Variants in SH3BP5 observed in about 807,000 individuals in gnomAD.
SH3BP5 encodes SH3 domain-binding protein 5.
SH3BP5 carries 22 observed loss-of-function variants against 43.3 expected under a neutral mutation model. The observed-to-expected ratio is 0.51, with a 90% CI of 0.36 to 0.73. The LOEUF is 0.73. Among genes scored for constraint, SH3BP5 ranks in the 30% least tolerant of loss-of-function variants. SH3BP5 has a pLI of 0.00. For missense variants in SH3BP5, 529 were observed against 586.9 expected, an observed-to-expected ratio of 0.90 and a Z score of 1.02; for synonymous variants, 255 against 225.8, an observed-to-expected ratio of 1.13 and a Z score of -1.16.
At chr3:15,303,742 A>C (rs536517585) in intron 3 of SH3BP5, among the ~76,000 whole-genome samples, 1 of 152,250 alleles carries the variant, frequency 6.6e-6, no homozygotes, top group South Asian at 2.1e-4. Flanking sequence ...AGAGAAGCAG[A>C]AGGCTAAACA....
At chr3:15,294,851 A>G (rs1005483876) in intron 3 of SH3BP5, among the ~76,000 whole-genome samples, 1 of 152,060 alleles carries the variant, frequency 6.6e-6, no homozygotes, top group African/African-American at 2.4e-5. Flanking sequence ...GGCGTAAGGC[A>G]CCCTCAGCTG....
chr3:15,276,611 C>G (rs533861882), intron 3 of SH3BP5, among the ~76,000 whole-genome samples: 2 of 152,254 alleles, frequency 1.3e-5, no homozygotes, highest in African/African-American at 4.8e-5. Flanking sequence ...TGAAGCCTTA[C>G]GCGGGTCCAG....
At position 15,304,110 on chromosome 3, in the gene SH3BP5, G is replaced by A. The variant is rs1328191407; in HGVS notation, c.323C>T (p.Ala108Val). 8 of 1,613,750 alleles carry A rather than the reference G, an allele frequency of 5.0e-6. No homozygotes were observed. The highest frequency in any genetic ancestry group is 2.2e-5 in the South Asian group (2 of 91,074). The change falls in exon 3 of 9, where the codon GCG (alanine) becomes GTG (valine). Residue 108 changes from alanine to valine, a missense_variant. By Grantham distance (64) the Ala-to-Val change is moderately conservative (BLOSUM62 0). Coordinates refer to ENST00000383791, the MANE Select transcript of SH3BP5 (RefSeq NM_004844.5). ...TCTATGGGGCTATCTTACCTGCCTC[G>A]CCACCCTCCGTGCCTCCCAGTAGGG... ...SKPYWEARRV[A>V]RQAQLEAQKA...
chr3:15,279,438 G>A (rs576176930), intron 3 of SH3BP5, among the ~76,000 whole-genome samples: 2 of 152,128 alleles, frequency 1.3e-5, no homozygotes, highest in Non-Finnish European at 2.9e-5. Context: ...TTAATATGTC[G>A]GAGCAGCAAG....
chr3:15,288,783 C>T (rs1291553013), intron 3 of SH3BP5, among the ~76,000 whole-genome samples: 2 of 152,102 alleles, frequency 1.3e-5, no homozygotes, highest in African/African-American at 4.8e-5. Context: ...TTTCAATGCT[C>T]TGGGTAAGAC....
intron 3 of SH3BP5, among the ~76,000 whole-genome samples, chr3:15,285,057 T>A (rs184754591): frequency 6.6e-6 from 1 of 152,302 alleles, no homozygotes; most frequent in Admixed American, 6.5e-5. Flanking sequence ...TGGAAAGTCT[T>A]ATGAGAGCCA....
At chr3:15,334,929 G>A (rs115312198), upstream of SH3BP5, among the ~76,000 whole-genome samples, 923 of 151,368 alleles carry the variant, frequency 6.1e-3, 9 homozygotes, top group African/African-American at 0.021. Flanking sequence ...CCCAGCTTAG[G>A]TGACAGCAAG....
chr3:15,320,425 C>T (rs1224941622), intron 2 of SH3BP5, among the ~76,000 whole-genome samples: 1 of 152,052 alleles, frequency 6.6e-6, no homozygotes, highest in Non-Finnish European at 1.5e-5. Flanking sequence ...AGCTGCTTTG[C>T]AAATTCTGTG....
At chr3:15,269,388 T>C (rs947393136) in intron 4 of SH3BP5, among the ~76,000 whole-genome samples, 1 of 152,120 alleles carries the variant, frequency 6.6e-6, no homozygotes, top group Non-Finnish European at 1.5e-5. Context: ...TTGCTGGGGT[T>C]CCATGGGAGC....
At chr3:15,309,408 G>A (rs1003524945) in intron 2 of SH3BP5, among the ~76,000 whole-genome samples, 6 of 152,152 alleles carry the variant, frequency 3.9e-5, no homozygotes, top group Admixed American at 1.3e-4. Context: ...GTCTTGCTAT[G>A]ATGCCCAGGC....
chr3:15,323,625 T>A (rs1698390322), intron 2 of SH3BP5, among the ~76,000 whole-genome samples: 1 of 152,192 alleles, frequency 6.6e-6, no homozygotes, highest in South Asian at 2.1e-4. Flanking sequence ...CAAGTATCCC[T>A]AGAAGTCAGC....
At chr3:15,335,496 C>T (rs1214169446), upstream of SH3BP5, among the ~76,000 whole-genome samples, 1 of 151,818 alleles carries the variant, frequency 6.6e-6, no homozygotes, top group Non-Finnish European at 1.5e-5. Context: ...TCACTTGAGC[C>T]CAGGAAGTCA....
chr3:15,261,872 C>G (rs545517622), intron 5 of SH3BP5, among the ~76,000 whole-genome samples: 3 of 152,248 alleles, frequency 2.0e-5, no homozygotes, highest in South Asian at 2.1e-4. Context: ...GTGAATTTAC[C>G]AAATCCCAGC....
intron 4 of SH3BP5, among the ~76,000 whole-genome samples, chr3:15,265,512 T>TCACACACACACACACACACA (rs368955496): frequency 0.014 from 1,550 of 107,932 alleles, 50 homozygotes; most frequent in Admixed American, 0.02. Context: ...CGAGACTCCG[T>TCACACACACACACACACACA]CACACACACA....
intron 6 of SH3BP5, chr3:15,259,419 C>T (rs1696349030): frequency 5.8e-6 from 3 of 518,420 alleles, no homozygotes; most frequent in Non-Finnish European, 7.0e-6. Context: ...TGTTAAGACT[C>T]AGCTCACTAG....
chr3:15,333,533 G>A (rs939947134), upstream of SH3BP5, among the ~76,000 whole-genome samples: 23 of 152,172 alleles, frequency 1.5e-4, no homozygotes, highest in African/African-American at 5.3e-4. Flanking sequence ...GGCACAACGT[G>A]GTGGCTCGTA....
intron 3 of SH3BP5, among the ~76,000 whole-genome samples, chr3:15,294,316 TGTGTGTGTGTGTGTGCGC>T: frequency 3.5e-5 from 5 of 144,922 alleles, no homozygotes; most frequent in African/African-American, 1.3e-4. Flanking sequence ...TGTGTGTGTG[TGTGTGTGTGTGTGTGCGC>T]GCGCATGTTT....
chr3:15,325,415 T>A (rs1355550228), intron 2 of SH3BP5, among the ~76,000 whole-genome samples: 1 of 151,832 alleles, frequency 6.6e-6, no homozygotes, highest in Non-Finnish European at 1.5e-5. Flanking sequence ...TTAGCCCTGA[T>A]GCGCCCTCCA....
chr3:15,315,556 T>C (rs1698164725), intron 2 of SH3BP5, among the ~76,000 whole-genome samples: 2 of 152,150 alleles, frequency 1.3e-5, no homozygotes, highest in African/African-American at 4.8e-5. Context: ...CATGGTTTTC[T>C]CCTTCAAGTT....
Sources: allele counts gnomAD v4.1 joint callset (sites outside exome capture counted in the v4.1 genomes callset), GRCh38; gene constraint gnomAD v4.1.1; transcripts MANE v1.5; gene names NCBI Gene and HGNC (gene_info 2026-07-23, HGNC 2026-07-21).